ARHGAP23: variants seen among roughly 807,000 people sequenced by gnomAD.
ARHGAP23 encodes Rho GTPase activating protein 23, also known as rho GTPase-activating protein 23.
A neutral mutation model predicts 136.3 loss-of-function variants in ARHGAP23; 34 were observed. The ratio of observed to expected loss-of-function variants is 0.25; its 90% CI spans 0.19 to 0.33. The LOEUF is 0.33. Among genes scored for constraint, ARHGAP23 ranks in the 10% least tolerant of loss-of-function variants. ARHGAP23 has a pLI of 1.00. For synonymous variants in ARHGAP23, 832 were observed against 920.5 expected, an observed-to-expected ratio of 0.90 and a Z score of 1.74; for missense variants, 1,808 against 2,139.0, an observed-to-expected ratio of 0.85 and a Z score of 3.05.
chr17:38,473,354 G>A (rs1008551054), intron 11 of ARHGAP23, among the ~76,000 whole-genome samples: 12 of 152,032 alleles, frequency 7.9e-5, no homozygotes, highest in Admixed American at 2.6e-4. Context: ...GTTCCTATCC[G>A]GCCACATATC....
chr17:38,472,039 G>A (rs2039772818), intron 11 of ARHGAP23, 33 bp downstream of exon 11: 4 of 1,524,414 alleles, frequency 2.6e-6, no homozygotes, highest in Non-Finnish European at 3.5e-6. Context: ...GTGGAAGCTG[G>A]CTCCAGCAGA....
chr17:38,466,793 G>GA lies in ARHGAP23; in HGVS notation c.1110_1111insA (p.Val371SerfsTer6). 1 of 1,549,366 alleles carries GA rather than the reference G, an allele frequency of 6.5e-7. No homozygotes were observed. ...CCGAGGCACTGGGGCCAGGGGCACT[G>GA]GTGTCACCCCGCTTTGAGCGGTGTG... is the stretch of plus-strand genomic sequence containing the variant. On this transcript the variant is annotated frameshift_variant, in exon 7 of 24. Coordinates refer to ENST00000622683, the MANE Select transcript of ARHGAP23 (RefSeq NM_001199417.2). LOFTEE classifies it high-confidence loss of function.
intron 3 of ARHGAP23, among the ~76,000 whole-genome samples, chr17:38,461,159 T>C (rs1184208625): frequency 6.6e-6 from 1 of 152,216 alleles, no homozygotes; most frequent in Non-Finnish European, 1.5e-5. Context: ...CCCTTGGGCA[T>C]TTCCTCCACA....
At chr17:38,424,617 C>A (rs1020279734), upstream of ARHGAP23, among the ~76,000 whole-genome samples, 2 of 152,146 alleles carry the variant, frequency 1.3e-5, no homozygotes, top group African/African-American at 4.8e-5. Context: ...GTCTCAGGGA[C>A]TACCAGAGTC....
rs140097825 is a variant in ARHGAP23, at chr17:38,501,536, C to T, written c.3447+908C>T. ...CAGGATGGTCTTGATCTCCTGACCG[C>T]GTGATCCGTCCCCCTTGGCCTCCGA... On this transcript the variant is annotated intron_variant, in intron 23 of 23. Transcript: ENST00000622683. 3.1e-3 allele frequency among the ~76,000 whole-genome samples: 456 copies of T among 145,618 alleles called. 2 individuals carry two copies. Among genetic ancestry groups the T allele is most frequent in the African/African-American group, 0.011 (428 of 40,570 alleles).
At chr17:38,485,369 C>G (rs2040137431) in intron 16 of ARHGAP23, among the ~76,000 whole-genome samples, 1 of 152,130 alleles carries the variant, frequency 6.6e-6, no homozygotes, top group African/African-American at 2.4e-5. Context: ...ATGTAAGTAC[C>G]AGGTTAACTG....
At chr17:38,448,652 T>G (rs1007729852) in intron 1 of ARHGAP23, among the ~76,000 whole-genome samples, 1 of 148,594 alleles carries the variant, frequency 6.7e-6, no homozygotes, top group Admixed American at 6.7e-5. Context: ...TTTTTTTTTT[T>G]TTTTTTTTTT....
intron 1 of ARHGAP23, among the ~76,000 whole-genome samples, chr17:38,420,903 T>G (rs2038513923): frequency 6.6e-6 from 1 of 152,146 alleles, no homozygotes; most frequent in Non-Finnish European, 1.5e-5. Flanking sequence ...TAATTTTACG[T>G]TACGTGAATT....
At chr17:38,483,226 C>T (rs1046066061) in intron 16 of ARHGAP23, among the ~76,000 whole-genome samples, 4 of 152,184 alleles carry the variant, frequency 2.6e-5, no homozygotes, top group Non-Finnish European at 4.4e-5. Context: ...CTAGATATTG[C>T]CTACAGACCA....
chr17:38,510,794 C>T lies in ARHGAP23; in HGVS notation c.4298C>T (p.Pro1433Leu). The T allele has an allele frequency of 5.3e-6, 8 of 1,503,746 alleles. No individual in the cohort carries two copies. Among genetic ancestry groups the T allele is most frequent in the Non-Finnish European group, 7.1e-6 (8 of 1,129,032 alleles). The allele number at this position is 1,503,746 out of a possible 1,614,324, so 93.2% of individuals were successfully genotyped here. The change falls in exon 24 of 24, where the codon CCT (proline) becomes CTT (leucine). Residue 1433 changes from proline (P) to leucine (L), a missense_variant. Physicochemically the swap from Pro to Leu is moderately conservative, Grantham distance 98 (BLOSUM62 -3). Transcript: ENST00000622683. The surrounding 1 kb of genome is among the most constrained non-coding windows in gnomAD (Gnocchi z 4.6). ...KELGGGGPPE[P>L]AGARAHSDNK... ...CTGGGCGGAGGGGGCCCCCCGGAGC[C>T]TGCGGGCGCGCGGGCGCACAGTGAC...
Position 38,477,746 on chromosome 17 carries a change from C to T in ARHGAP23, c.2286C>T (p.Leu762=), listed in dbSNP as rs577474035. ...CGCCCGTCTGCATCGGCTCCTGCCT[C>T]GTGGACATCTCCTACAGCGAGACCA... The part of the protein sequence containing the change: ...EAAPVCIGSC[L]VDISYSETKR... The change falls in exon 12 of 24, where the codon CTC becomes CTT. Residue 762 remains leucine, a synonymous_variant. Coordinates refer to ENST00000622683, the MANE Select transcript of ARHGAP23 (RefSeq NM_001199417.2). The surrounding 1 kb of genome is among the most constrained non-coding windows in gnomAD (Gnocchi z 6.6). 5 of 1,548,938 alleles carry T rather than the reference C, an allele frequency of 3.2e-6. No homozygotes were observed. The highest frequency in any genetic ancestry group is 2.7e-5 in the African/African-American group (2 of 73,060).
At chr17:38,463,472 G>A in intron 6 of ARHGAP23, 90 bp downstream of exon 6, 1 of 1,469,278 alleles carries the variant, frequency 6.8e-7, no homozygotes. Context: ...AGTGTTTGGA[G>A]GGCACAGGCC....
At chr17:38,452,685 T>C (rs1482607492) in intron 1 of ARHGAP23, among the ~76,000 whole-genome samples, 1 of 152,112 alleles carries the variant, frequency 6.6e-6, no homozygotes, top group Admixed American at 6.5e-5. Context: ...ATATTGTTGG[T>C]GAACAGTCAA....
intron 1 of ARHGAP23, among the ~76,000 whole-genome samples, chr17:38,449,847 G>A (rs749345398): frequency 2.5e-4 from 38 of 152,182 alleles, no homozygotes; most frequent in Non-Finnish European, 5.3e-4. Context: ...GCAAGCTGGA[G>A]GAAGGAAAAG....
intron 6 of ARHGAP23, among the ~76,000 whole-genome samples, chr17:38,465,346 A>G (rs895234786): frequency 2.8e-5 from 4 of 143,738 alleles, no homozygotes; most frequent in African/African-American, 1.2e-4. Flanking sequence ...CTGGGTGTGT[A>G]TCTTCCAGTG....
intron 13 of ARHGAP23, 102 bp from the exon 14 acceptor site, chr17:38,479,651 C>G (rs1336732362): frequency 7.0e-7 from 1 of 1,429,060 alleles, no homozygotes; most frequent in East Asian, 2.5e-5. Flanking sequence ...GAGGCATTGC[C>G]TCAGGGTGGA....
chr17:38,452,866 G>A (rs747828880), intron 1 of ARHGAP23, among the ~76,000 whole-genome samples: 9 of 152,244 alleles, frequency 5.9e-5, no homozygotes, highest in Non-Finnish European at 1.0e-4. Context: ...AGAGGGGGCA[G>A]CTTTGAATGA....
At chr17:38,456,535 TTGG>T (rs1327118973) in intron 1 of ARHGAP23, among the ~76,000 whole-genome samples, 4 of 152,082 alleles carry the variant, frequency 2.6e-5, no homozygotes, top group Admixed American at 2.0e-4. Context: ...GTAAGGAGTG[TTGG>T]TGGTGAGGGC....
chr17:38,425,301 A>T (rs2038559176), upstream of ARHGAP23, among the ~76,000 whole-genome samples: 1 of 152,008 alleles, frequency 6.6e-6, no homozygotes. Context: ...CGCCCTGAGC[A>T]TCACTCTCCC....
Sources: gnomAD v4.1 joint callset for allele counts (sites outside exome capture counted in the v4.1 genomes callset) on GRCh38, gnomAD v4.1.1 for gene constraint, Gnocchi (gnomAD v3.1) non-coding constraint, MANE v1.5 for transcripts, NCBI Gene and HGNC (gene_info 2026-07-23, HGNC 2026-07-21) for gene names.